Variants in OSBPL6 observed in about 807,000 individuals in gnomAD.
OSBPL6 encodes oxysterol binding protein like 6.
A neutral mutation model predicts 125.8 loss-of-function variants in OSBPL6; 49 were observed. The observed-to-expected ratio is 0.39, with a 90% CI of 0.31 to 0.49. The LOEUF (loss-of-function observed/expected upper bound fraction) is 0.49. Among genes scored for constraint, OSBPL6 ranks in the 20% least tolerant of loss-of-function variants. The probability of loss-of-function intolerance (pLI) is 0.88; values close to 1 mark genes in which losing one functional copy is unlikely to be tolerated. For synonymous variants in OSBPL6, 394 were observed against 391.8 expected (o/e 1.01, Z -0.07); for missense variants, 986 against 1,135.4 (o/e 0.87, Z 1.89).
At position 178,391,203 on chromosome 2, in the gene OSBPL6, G is replaced by T; in HGVS notation, c.2432G>T (p.Cys811Phe). 2 of 1,606,428 alleles carry T rather than the reference G, an allele frequency of 1.2e-6. No homozygotes were observed. The highest frequency in any genetic ancestry group is 1.7e-6 in the Non-Finnish European group (2 of 1,176,950). The change falls in exon 22 of 25, where the codon TGC becomes TTC. Residue 811 changes from cysteine to phenylalanine, a missense_variant. Physicochemically the swap from Cys to Phe is radical, Grantham distance 205. Around this residue, in one of 3 missense-constraint regions of OSBPL6, gnomAD observed 843 missense variants for 997.3 expected, o/e 0.85. Coordinates refer to ENST00000190611, the MANE Select transcript of OSBPL6 (RefSeq NM_032523.4). ...LYCGVAPSAK[C>F]IWRPGSMPTN... is the part of the protein sequence containing the mutation. The stretch of plus-strand genomic sequence containing the variant: ...TGTGGTGTGGCCCCCTCTGCAAAGT[G>T]CATTTGGAGACCAGGTGAGAGTGGC...
At chr2:178,243,087 G>A (rs1046292951) in intron 1 of OSBPL6, among the ~76,000 whole-genome samples, 4 of 152,016 alleles carry the variant, frequency 2.6e-5, no homozygotes, top group East Asian at 1.9e-4. Flanking sequence ...CTGTGTAGTC[G>A]GTTGATAGCA....
chr2:178,344,246 CG>C, intron 11 of OSBPL6: 1 of 1,530,498 alleles, frequency 6.5e-7, no homozygotes, highest in Non-Finnish European at 9.1e-7. Context: ...TTTCCTCCCC[CG>C]TCCTGTGTTT....
At chr2:178,287,911 G>GA (rs1314480726) in intron 2 of OSBPL6, among the ~76,000 whole-genome samples, 3 of 151,628 alleles carry the variant, frequency 2.0e-5, no homozygotes, top group African/African-American at 7.3e-5. Flanking sequence ...GGAAATGGGG[G>GA]AAAAATTGTA....
chr2:178,365,910 AG>A (rs1692782212), intron 13 of OSBPL6, among the ~76,000 whole-genome samples: 2 of 151,942 alleles, frequency 1.3e-5, no homozygotes, highest in Non-Finnish European at 2.9e-5. Context: ...TGTTTTTTGG[AG>A]GCAGAGTCTT....
intron 1 of OSBPL6, among the ~76,000 whole-genome samples, chr2:178,210,889 AG>A (rs979205247): frequency 1.3e-5 from 2 of 151,682 alleles, no homozygotes; most frequent in African/African-American, 4.8e-5. Context: ...GGACAAGGAC[AG>A]GGGTAGAGGG....
intron 1 of OSBPL6, among the ~76,000 whole-genome samples, chr2:178,246,875 C>T (rs577260256): frequency 4.6e-5 from 7 of 152,160 alleles, no homozygotes; most frequent in Admixed American, 2.0e-4. Flanking sequence ...CACTTGCCTT[C>T]GTCACAGGGA....
In OSBPL6 at chr2:178,402,115, T is replaced by G. The variant is rs903740401; in HGVS notation, c.*6556T>G. Reference sequence around the variant, plus strand: ...CAAGTTCCTGTCTTAAAAAAAAAAGTAATAAAAAAGACATTTAAAAAAAAA... The same window carrying G: ...CAAGTTCCTGTCTTAAAAAAAAAAGGAATAAAAAAGACATTTAAAAAAAAA... On this transcript the variant is annotated 3_prime_UTR_variant, in exon 25 of 25. Transcript: ENST00000190611. The G allele has an allele frequency of 6.6e-6, 1 of 151,490 alleles. No individual in the cohort carries two copies. The highest frequency in any genetic ancestry group is 1.5e-5 in the Non-Finnish European group (1 of 67,918). 9.4% of individuals were successfully genotyped at this position (151,490 alleles called of 1,614,324 possible).
intron 3 of OSBPL6, among the ~76,000 whole-genome samples, chr2:178,314,668 C>G (rs1345136991): frequency 6.6e-6 from 1 of 152,094 alleles, no homozygotes; most frequent in Non-Finnish European, 1.5e-5. Context: ...TATGAACAAA[C>G]CAATAGAATA....
rs367743967 is a variant in OSBPL6 at position 178,371,960 on chromosome 2, G to A, written c.1288-166G>A. Among the ~76,000 whole-genome samples, 10 of 152,206 alleles carry A rather than the reference G, an allele frequency of 6.6e-5. No homozygotes were observed. The East Asian group carries it at 1.9e-3, about 29-fold the overall frequency. ...TATAAAAAATGAATACCTTAATTTT[G>A]AGCCATTTATTTACTCCTTGCTGGT... On this transcript the variant is annotated intron_variant, in intron 13 of 24. Transcript: ENST00000190611.
chr2:178,365,733 A>G (rs1052545530), intron 13 of OSBPL6, among the ~76,000 whole-genome samples: 4 of 152,196 alleles, frequency 2.6e-5, no homozygotes, highest in African/African-American at 9.7e-5. Context: ...ACACAAAAAC[A>G]TATATAATTC....
At chr2:178,357,307 C>G (rs186054454) in intron 12 of OSBPL6, among the ~76,000 whole-genome samples, 2 of 152,294 alleles carry the variant, frequency 1.3e-5, no homozygotes, top group Admixed American at 6.5e-5. Context: ...AGGCAACCTA[C>G]AGAATGGGAG....
intron 13 of OSBPL6, among the ~76,000 whole-genome samples, chr2:178,366,587 A>G (rs1692853216): frequency 6.6e-6 from 1 of 152,204 alleles, no homozygotes; most frequent in African/African-American, 2.4e-5. Context: ...TGTGGGGGGA[A>G]ATGTGCATCT....
rs187715121 is a variant in OSBPL6 at position 178,254,179 on chromosome 2, G to A, written c.-350-30748G>A. Among the ~76,000 whole-genome samples, 613 of 152,280 alleles carry A rather than the reference G, an allele frequency of 4.0e-3. 5 individuals are homozygous for A. Among genetic ancestry groups the A allele is most frequent in the Non-Finnish European group, 5.0e-3 (342 of 68,020 alleles). On this transcript the variant is annotated intron_variant, in intron 1 of 24. Transcript: ENST00000190611. ...GAGGCCGAGGTGGGCGGATCACGAG[G>A]TCAGGAGTTCGAGACCAGCCTGGCC...
At position 178,347,522 on chromosome 2, in the gene OSBPL6, A is replaced by G. The variant is rs1005320476; in HGVS notation, c.988-1702A>G. Among the ~76,000 whole-genome samples, 5 of 152,176 alleles carry G rather than the reference A, an allele frequency of 3.3e-5. No individual in the cohort carries two copies. In the East Asian group the frequency reaches 9.6e-4, roughly 29 times the overall value. On this transcript the variant is annotated intron_variant, in intron 11 of 24. Coordinates refer to ENST00000190611, the MANE Select transcript of OSBPL6 (RefSeq NM_032523.4). ...GCTGACTGCTCTTTCTAGATTGAGC[A>G]TCACCACAGTTAGGGTCTGAACTTC...
At chr2:178,277,594 T>A (rs1369727528) in intron 1 of OSBPL6, among the ~76,000 whole-genome samples, 1 of 152,242 alleles carries the variant, frequency 6.6e-6, no homozygotes, top group African/African-American at 2.4e-5. Context: ...TTGAGCAAAT[T>A]AGTTTATTAG....
At position 178,267,369 on chromosome 2, in the gene OSBPL6, A is replaced by C. The variant is rs993850801; in HGVS notation, c.-350-17558A>C. On this transcript the variant is annotated intron_variant, in intron 1 of 24. Transcript: ENST00000190611. ...ACTCCATCTCAAAAAAAAAAAAAAA[A>C]AAAAAACAAAACAAGGTTTATCATT... Among the ~76,000 whole-genome samples the C allele has an allele frequency of 9.9e-4, 148 of 150,028 alleles. 1 individual carries two copies. The highest frequency in any genetic ancestry group is 1.3e-3 in the Non-Finnish European group (86 of 67,442).
intron 15 of OSBPL6, among the ~76,000 whole-genome samples, chr2:178,379,017 A>C (rs1422261016): frequency 6.6e-6 from 1 of 151,824 alleles, no homozygotes; most frequent in Non-Finnish European, 1.5e-5. Context: ...AATAAAATAA[A>C]ATAATTAGCT....
intron 11 of OSBPL6, among the ~76,000 whole-genome samples, chr2:178,343,845 G>C (rs1247788531): frequency 6.6e-6 from 1 of 151,722 alleles, no homozygotes; most frequent in Non-Finnish European, 1.5e-5. Context: ...AATTCTGTCT[G>C]GCCATTATGA....
chr2:178,281,841 A>G (rs1389266822), intron 1 of OSBPL6, among the ~76,000 whole-genome samples: 1 of 152,014 alleles, frequency 6.6e-6, no homozygotes, highest in Non-Finnish European at 1.5e-5. Context: ...GAAATAGCTA[A>G]TGCATGTGGG....
Sources: gnomAD v4.1 joint callset for allele counts (sites outside exome capture counted in the v4.1 genomes callset) on GRCh38, gnomAD v4.1.1 for gene constraint, gnomAD v4.1.1 regional missense constraint, MANE v1.5 for transcripts, NCBI Gene and HGNC (gene_info 2026-07-23, HGNC 2026-07-21) for gene names.